NPEPPS: variants seen among roughly 807,000 people sequenced by gnomAD.
NPEPPS encodes puromycin-sensitive aminopeptidase.
A neutral mutation model predicts 115.5 loss-of-function variants in NPEPPS; 14 were observed. The ratio of observed to expected loss-of-function variants is 0.12; its 90% CI spans 0.08 to 0.19. NPEPPS has a LOEUF of 0.19. Among genes scored for constraint, NPEPPS ranks in the 10% least tolerant of loss-of-function variants. The pLI, the probability that NPEPPS is intolerant of heterozygous loss-of-function variation, is 1.00. For synonymous variants in NPEPPS, 285 were observed against 390.6 expected, an observed-to-expected ratio of 0.73 and a Z score of 3.19; for missense variants, 523 against 1,110.8, an observed-to-expected ratio of 0.47 and a Z score of 7.52.
chr17:47,619,522 C>A, intron 21 of NPEPPS: 2 of 554,510 alleles, frequency 3.6e-6, no homozygotes, highest in Non-Finnish European at 6.4e-6. Flanking sequence ...TCATTGCACT[C>A]CAGCCTGGGC....
chr17:47,527,597 C>T (rs1907487379), upstream of NPEPPS, among the ~76,000 whole-genome samples: 1 of 150,812 alleles, frequency 6.6e-6, no homozygotes, highest in Non-Finnish European at 1.5e-5. Flanking sequence ...GTGGTTCATG[C>T]CTGTAATCCC....
At chr17:47,591,493 C>T (rs1912500635) in intron 10 of NPEPPS, among the ~76,000 whole-genome samples, 1 of 152,044 alleles carries the variant, frequency 6.6e-6, no homozygotes, top group African/African-American at 2.4e-5. Flanking sequence ...TTTGTGAATA[C>T]TTTAATTCTC....
At chr17:47,589,395 A>G (rs1218820701) in intron 9 of NPEPPS, among the ~76,000 whole-genome samples, 4 of 152,136 alleles carry the variant, frequency 2.6e-5, no homozygotes, top group African/African-American at 9.6e-5. Context: ...AGCTGGGACC[A>G]CAGGTGTGTG....
At chr17:47,617,330 C>G (rs1914268606) in intron 19 of NPEPPS, among the ~76,000 whole-genome samples, 1 of 152,034 alleles carries the variant, frequency 6.6e-6, no homozygotes, top group Non-Finnish European at 1.5e-5. Context: ...ATTAATACTA[C>G]CATTTTGATG....
intron 1 of NPEPPS, among the ~76,000 whole-genome samples, chr17:47,545,416 A>AT (rs1909131067): frequency 1.3e-5 from 2 of 152,132 alleles, no homozygotes; most frequent in African/African-American, 4.8e-5. Flanking sequence ...AATTTGGAAA[A>AT]TATGAGTTGC....
chr17:47,537,454 G>A (rs1908383418), intron 1 of NPEPPS, among the ~76,000 whole-genome samples: 1 of 152,140 alleles, frequency 6.6e-6, no homozygotes, highest in Non-Finnish European at 1.5e-5. Flanking sequence ...AGCACTTTGG[G>A]AGGCTGAGGT....
At chr17:47,595,142 G>C (rs186304312) in intron 12 of NPEPPS, among the ~76,000 whole-genome samples, 3 of 152,174 alleles carry the variant, frequency 2.0e-5, no homozygotes, top group African/African-American at 7.2e-5. Context: ...TGTTGGCCAG[G>C]CTGGTTTCGA....
intron 12 of NPEPPS, among the ~76,000 whole-genome samples, chr17:47,595,546 T>C (rs1158361173): frequency 6.6e-6 from 1 of 152,204 alleles, no homozygotes; most frequent in African/African-American, 2.4e-5. Flanking sequence ...TATCTCAGAA[T>C]AAAAGACCAG....
At chr17:47,594,778 G>A (rs563235826) in intron 12 of NPEPPS, among the ~76,000 whole-genome samples, 33 of 150,902 alleles carry the variant, frequency 2.2e-4, no homozygotes, top group Non-Finnish European at 3.8e-4. Context: ...GACTACAGGC[G>A]CCCGCCACCA....
intron 2 of NPEPPS, among the ~76,000 whole-genome samples, chr17:47,568,425 C>T (rs1437106034): frequency 6.6e-6 from 1 of 152,164 alleles, no homozygotes; most frequent in Non-Finnish European, 1.5e-5. Flanking sequence ...CACGCCTCGG[C>T]CTCCCAAAAT....
intron 5 of NPEPPS, among the ~76,000 whole-genome samples, chr17:47,584,226 A>G (rs147783790): frequency 0.11 from 11,665 of 105,410 alleles, 608 homozygotes; most frequent in South Asian, 0.18. Context: ...ATCTCGGGGG[A>G]AAAAAAAAAA....
chr17:47,573,218 C>T lies in NPEPPS; in HGVS notation c.418+3724C>T, dbSNP rs536500348. The stretch of plus-strand genomic sequence containing the variant: ...ACTGACTGAAATTTTAGAACTTTTG[C>T]GATAAAGTAAAACTCCCAGAAAGTT... On this transcript the variant is annotated intron_variant, in intron 3 of 22. Coordinates refer to ENST00000322157, the MANE Select transcript of NPEPPS (RefSeq NM_006310.4). 4.6e-5 allele frequency among the ~76,000 whole-genome samples: 7 copies of T among 152,112 alleles called. No homozygotes were observed. In the East Asian group the frequency reaches 5.8e-4, roughly 13 times the overall value.
intron 22 of NPEPPS, among the ~76,000 whole-genome samples, chr17:47,621,147 C>A (rs1597903405): frequency 7.1e-6 from 1 of 141,034 alleles, no homozygotes; most frequent in Non-Finnish European, 1.5e-5. Flanking sequence ...TTTCATTGCA[C>A]TCTAGCCTGG....
At chr17:47,582,113 T>C (rs1911916436) in intron 4 of NPEPPS, 1 of 152,668 alleles carries the variant, frequency 6.6e-6, no homozygotes, top group Non-Finnish European at 1.5e-5. Flanking sequence ...GCAGAACCCC[T>C]AAGTTTTATT....
At chr17:47,578,641 T>A (rs1294482297) in intron 3 of NPEPPS, among the ~76,000 whole-genome samples, 1 of 152,182 alleles carries the variant, frequency 6.6e-6, no homozygotes, top group Non-Finnish European at 1.5e-5. Context: ...TATTTTTATT[T>A]GCATTTAATA....
rs1426232563 is a variant in NPEPPS, at chr17:47,525,835, G to A, written c.77+2772G>A. Among the ~76,000 whole-genome samples, 9 of 152,284 alleles carry A rather than the reference G, an allele frequency of 5.9e-5. No individual in the cohort carries two copies. In the South Asian group the frequency reaches 1.7e-3, roughly 28 times the overall value. On this transcript the variant is annotated intron_variant, in intron 1 of 5. Coordinates refer to the NPEPPS transcript ENST00000525007. ...TGAGATGTACTTTGTGCAGGGTCCA[G>A]TACTGAGAGTAATAAAGGAATTAGG...
rs767101980 is a variant in NPEPPS, at chr17:47,622,464, T to C, written c.*544T>C. ...GGCACGGGGACTGATCAGGAAGATA[T>C]ATTCCTGCATAACTCAATCTGAACC... On this transcript the variant is annotated 3_prime_UTR_variant, in exon 23 of 23. Coordinates refer to ENST00000322157, the MANE Select transcript of NPEPPS (RefSeq NM_006310.4). 45 of 192,802 alleles carry C rather than the reference T, an allele frequency of 2.3e-4. No individual in the cohort carries two copies. Among genetic ancestry groups the C allele is most frequent in the Non-Finnish European group, 4.1e-4 (39 of 95,274 alleles). 11.9% of individuals were successfully genotyped at this position (192,802 alleles called of 1,614,324 possible).
chr17:47,554,837 A>G (rs1266088128), intron 2 of NPEPPS, among the ~76,000 whole-genome samples: 4 of 152,174 alleles, frequency 2.6e-5, no homozygotes, highest in African/African-American at 7.2e-5. Context: ...TAGGTGCCTA[A>G]TGGGCTGGGT....
At chr17:47,550,172 A>C (rs1909536348) in intron 2 of NPEPPS, among the ~76,000 whole-genome samples, 3 of 151,938 alleles carry the variant, frequency 2.0e-5, no homozygotes, top group South Asian at 2.1e-4. Flanking sequence ...TGACCTTGTG[A>C]TCTGCCCGCC....
Sources: allele counts gnomAD v4.1 joint callset (sites outside exome capture counted in the v4.1 genomes callset), GRCh38; gene constraint gnomAD v4.1.1; transcripts MANE v1.5; gene names NCBI Gene and HGNC (gene_info 2026-07-23, HGNC 2026-07-21).